KDM5B: variants seen among roughly 807,000 people sequenced by gnomAD.
KDM5B encodes the protein lysine-specific demethylase 5B.
KDM5B carries 144 observed loss-of-function variants against 193.4 expected under a neutral mutation model. The ratio of observed to expected loss-of-function variants is 0.74; its 90% confidence interval spans 0.65 to 0.86. The LOEUF (loss-of-function observed/expected upper bound fraction) is 0.86, where lower values mean the gene tolerates loss of function less well. Ranked by LOEUF, KDM5B falls within the 40% of genes least tolerant of loss-of-function variation. The pLI is 0.00. For missense variants in KDM5B, 1,833 were observed against 1,886.9 expected (o/e 0.97, Z 0.53); for synonymous variants, 668 against 682.6 (o/e 0.98, Z 0.33).
chr1:202,729,514 T>G (rs1243068680), intron 26 of KDM5B, 193 bp downstream of exon 26: 2 of 606,902 alleles, frequency 3.3e-6, no homozygotes, highest in Non-Finnish European at 5.7e-6. Context: ...GAACAAGAGT[T>G]TCTTCAAGAA....
At chr1:202,779,337 G>A (rs1009090852) in intron 1 of KDM5B, among the ~76,000 whole-genome samples, 1 of 151,914 alleles carries the variant, frequency 6.6e-6, no homozygotes, top group African/African-American at 2.4e-5. Context: ...AAATTAGCCA[G>A]GCGTGGTGGC....
intron 4 of KDM5B, chr1:202,767,511 C>T: frequency 1.4e-6 from 1 of 713,444 alleles, no homozygotes; most frequent in Non-Finnish European, 2.5e-6. Context: ...CGACCTTGTT[C>T]CCCGGTGTGC....
intron 7 of KDM5B, among the ~76,000 whole-genome samples, chr1:202,761,250 C>T (rs916162491): frequency 1.6e-4 from 25 of 151,956 alleles, no homozygotes; most frequent in African/African-American, 5.8e-4. Context: ...CCAGCCTGGG[C>T]AACATGGCGA....
chr1:202,803,261 T>A (rs1278378298), intron 1 of KDM5B, among the ~76,000 whole-genome samples: 1 of 152,234 alleles, frequency 6.6e-6, no homozygotes, highest in Non-Finnish European at 1.5e-5. Flanking sequence ...TTAGATTGCA[T>A]GTTTAAAACC....
At chr1:202,784,852 G>T (rs1421685785) in intron 1 of KDM5B, among the ~76,000 whole-genome samples, 1 of 152,088 alleles carries the variant, frequency 6.6e-6, no homozygotes, top group African/African-American at 2.4e-5. Flanking sequence ...AGGCCAATGT[G>T]GCAAAACCAA....
chr1:202,729,656 G>C, intron 26 of KDM5B, 51 bp downstream of exon 26: 1 of 1,506,172 alleles, frequency 6.6e-7, no homozygotes, highest in African/African-American at 1.4e-5. Flanking sequence ...TAGCTTACAG[G>C]GTTTCTGAGT....
chr1:202,784,885 T>C (rs1657343058), intron 1 of KDM5B, among the ~76,000 whole-genome samples: 1 of 151,832 alleles, frequency 6.6e-6, no homozygotes, highest in Non-Finnish European at 1.5e-5. Context: ...AATACAAAAA[T>C]TGGCCGGGCA....
At chr1:202,774,538 T>C in intron 3 of KDM5B, 75 bp downstream of exon 3, 6 of 1,452,194 alleles carry the variant, frequency 4.1e-6, no homozygotes, top group Non-Finnish European at 5.7e-6. Flanking sequence ...ATAAGTTCCT[T>C]TTTAAGGCAA....
chr1:202,791,781 C>T (rs982338692), intron 1 of KDM5B, among the ~76,000 whole-genome samples: 2 of 152,152 alleles, frequency 1.3e-5, no homozygotes, highest in Admixed American at 6.5e-5. Context: ...TGCAGTGGCG[C>T]GATCTCGGCT....
At position 202,742,804 on chromosome 1, in the gene KDM5B, G is replaced by A. The variant is rs1249794015; in HGVS notation, c.2325C>T (p.Ser775=). ...CAATTAAAGCCTTGAAGCTGACAAG[G>A]CCTAGGAATGAAGAAAAAAGTCATA... ...ALEAKINKKK[S]LVSFKALIEE... is the part of the protein sequence containing the mutation. Residue 775 remains serine (S), a splice_region_variant and synonymous_variant, in exon 17 of 27, where the codon AGC becomes AGT. Coordinates refer to ENST00000367265, the MANE Select transcript of KDM5B (RefSeq NM_006618.5). 6.2e-7 allele frequency: 1 copy of A among 1,611,450 alleles called. No individual in the cohort carries two copies. Among genetic ancestry groups the A allele is most frequent in the Non-Finnish European group, 8.5e-7 (1 of 1,179,094 alleles).
chr1:202,783,502 CA>C (rs201339390), intron 1 of KDM5B, among the ~76,000 whole-genome samples: 1 of 148,720 alleles, frequency 6.7e-6, no homozygotes, highest in African/African-American at 2.5e-5. Context: ...AAGACTGTCT[CA>C]AAAAAAAACA....
chr1:202,749,228 A>T lies in KDM5B; in HGVS notation c.1822-89T>A, dbSNP rs906366534. The T allele has an allele frequency of 6.0e-6, 7 of 1,158,856 alleles. No individual in the cohort carries two copies. The Admixed American group carries it at 1.6e-4, about 27-fold the overall frequency. 71.8% of individuals were successfully genotyped at this position (1,158,856 alleles called of 1,614,324 possible). A position where few individuals can be genotyped will look rare whatever the true frequency, so the allele number is the denominator to read the frequency against. The stretch of plus-strand genomic sequence containing the variant: ...ACCCATTATTATCAAATTACCAAAC[A>T]TCACACTATGGGTCTTAACACGTAT... On this transcript the variant is annotated intron_variant, in intron 13 of 26. Coordinates refer to ENST00000367265, the MANE Select transcript of KDM5B (RefSeq NM_006618.5).
chr1:202,786,642 T>C (rs944991082), intron 1 of KDM5B, among the ~76,000 whole-genome samples: 3 of 152,252 alleles, frequency 2.0e-5, no homozygotes, highest in African/African-American at 7.2e-5. Flanking sequence ...GTGTGCCCAC[T>C]ATACAAAACT....
intron 1 of KDM5B, among the ~76,000 whole-genome samples, chr1:202,779,264 T>A (rs1331603820): frequency 1.3e-5 from 2 of 151,998 alleles, no homozygotes; most frequent in Non-Finnish European, 2.9e-5. Flanking sequence ...CTCACGCCTG[T>A]AATCACATCA....
intron 23 of KDM5B, 97 bp from the exon 24 acceptor site, chr1:202,732,036 C>T (rs1252802033): frequency 1.5e-6 from 1 of 658,878 alleles, no homozygotes; most frequent in Non-Finnish European, 2.5e-6. Flanking sequence ...AGGCAGGCAA[C>T]CAGGGGAAAA....
intron 1 of KDM5B, among the ~76,000 whole-genome samples, chr1:202,805,372 T>C (rs1017511624): frequency 1.3e-5 from 2 of 152,218 alleles, no homozygotes; most frequent in African/African-American, 4.8e-5. Context: ...TACAAAATAA[T>C]GTAAGTACTC....
At chr1:202,774,026 C>CA (rs1369717388) in intron 3 of KDM5B, among the ~76,000 whole-genome samples, 1 of 152,098 alleles carries the variant, frequency 6.6e-6, no homozygotes, top group Non-Finnish European at 1.5e-5. Flanking sequence ...CATGAGCCAC[C>CA]ACGCCCGGCC....
chr1:202,736,451 G>T (rs1035924338), intron 20 of KDM5B, 59 bp from the exon 21 acceptor site: 81 of 1,362,914 alleles, frequency 5.9e-5, no homozygotes, highest in Non-Finnish European at 7.7e-5. Context: ...ATGAAAAACA[G>T]GAAAAGCTTA....
In KDM5B at chr1:202,730,320, T is replaced by C. The variant is rs370299670; in HGVS notation, c.4177-293A>G. 5.3e-5 allele frequency among the ~76,000 whole-genome samples: 8 copies of C among 152,230 alleles called. No individual in the cohort carries two copies. The East Asian group carries it at 1.4e-3, about 26-fold the overall frequency. ...CAACCAATACCAGAAGATGGAGAGG[T>C]GCCCACTAAGAGTCTTCCTTTCACC... On this transcript the variant is annotated intron_variant, in intron 25 of 26. Coordinates refer to ENST00000367265, the MANE Select transcript of KDM5B (RefSeq NM_006618.5).
Sources: gnomAD v4.1 joint callset for allele counts (sites outside exome capture counted in the v4.1 genomes callset) on GRCh38, gnomAD v4.1.1 for gene constraint, MANE v1.5 for transcripts, NCBI Gene and HGNC (gene_info 2026-07-23, HGNC 2026-07-21) for gene names.